Variants in GLDN observed in about 807,000 individuals in gnomAD.
GLDN encodes the protein gliomedin, also known as collomin.
GLDN carries 47 observed loss-of-function variants against 56.5 expected under a neutral mutation model. The observed-to-expected ratio is 0.83, with a 90% CI of 0.66 to 1.06. The LOEUF is 1.06. Ranked by LOEUF, GLDN falls within the 50% of genes least tolerant of loss-of-function variation. GLDN has a pLI of 0.00. For synonymous variants in GLDN, 332 were observed against 278.8 expected, an observed-to-expected ratio of 1.19 and a Z score of -1.90; for missense variants, 782 against 714.3, an observed-to-expected ratio of 1.09 and a Z score of -1.08.
Position 51,404,740 on chromosome 15 carries a change from A to G in GLDN, c.1642A>G (p.Thr548Ala). Residue 548 changes from threonine (T) to alanine (A), a missense_variant, in exon 10 of 10, where the codon ACC becomes GCC. Physicochemically the swap from Thr to Ala is moderately conservative, Grantham distance 58. Coordinates refer to ENST00000335449, the MANE Select transcript of GLDN (RefSeq NM_181789.4). Reference sequence around the variant, plus strand: ...TTATCCTGTGCAGTTTTTGTCAACTACCTTAAATCAGTGATGTGCTGCATT... The same window carrying G: ...TTATCCTGTGCAGTTTTTGTCAACTGCCTTAAATCAGTGATGTGCTGCATT... ...MLYPVQFLST[T>A]LNQ The G allele has an allele frequency of 6.4e-7, 1 of 1,567,800 alleles. No individual in the cohort carries two copies. The highest frequency in any genetic ancestry group is 8.8e-7 in the Non-Finnish European group (1 of 1,139,604).
Position 51,404,890 on chromosome 15 carries a change from C to A in GLDN, c.*136C>A. The A allele has an allele frequency of 1.5e-6, 1 of 651,324 alleles. No individual in the cohort carries two copies. The highest frequency in any genetic ancestry group is 2.7e-6 in the Non-Finnish European group (1 of 365,912). 40.3% of individuals were successfully genotyped at this position (651,324 alleles called of 1,614,324 possible). ...CAAAAGTGTTTATATGGTCAGTGAGCCCCGCTTAGTGAAATAGCAACAGAT... is the reference window on the plus strand; with the variant it reads ...CAAAAGTGTTTATATGGTCAGTGAGACCCGCTTAGTGAAATAGCAACAGAT... On this transcript the variant is annotated 3_prime_UTR_variant, in exon 10 of 10. Coordinates refer to ENST00000335449, the MANE Select transcript of GLDN (RefSeq NM_181789.4).
Position 51,359,789 on chromosome 15 carries a change from A to C in GLDN, c.364-17660A>C, listed in dbSNP as rs1277161575. The stretch of plus-strand genomic sequence containing the variant: ...CAGGAGATCGAGACCATCCTGGCTA[A>C]CATGGTGAAACCCTATCTCTACTAA... On this transcript the variant is annotated intron_variant, in intron 1 of 9. Transcript: ENST00000335449. Among the ~76,000 whole-genome samples, 5 of 152,150 alleles carry C rather than the reference A, an allele frequency of 3.3e-5. No homozygotes were observed. The East Asian group carries it at 9.7e-4, about 29-fold the overall frequency.
chr15:51,389,052 C>T (rs1186590858), intron 4 of GLDN, among the ~76,000 whole-genome samples: 1 of 152,312 alleles, frequency 6.6e-6, no homozygotes, highest in East Asian at 1.9e-4. Context: ...CAGAGGGGAA[C>T]GGTGAAAGGA....
rs75224194 is a variant in GLDN, at chr15:51,361,706, G to A, written c.364-15743G>A. Among the ~76,000 whole-genome samples the A allele has an allele frequency of 2.6e-3, 394 of 152,316 alleles. 1 individual carries two copies. Among genetic ancestry groups the A allele is most frequent in the African/African-American group, 9.0e-3 (373 of 41,574 alleles). On this transcript the variant is annotated intron_variant, in intron 1 of 9. Coordinates refer to ENST00000335449, the MANE Select transcript of GLDN (RefSeq NM_181789.4). ...TTGAGGTTTATGTTCTGGCAGGGAG[G>A]AGACAAAAACCAAAGCAAATAAGTA...
chr15:51,364,241 G>A (rs1458005317), intron 1 of GLDN, among the ~76,000 whole-genome samples: 2 of 152,116 alleles, frequency 1.3e-5, no homozygotes, highest in South Asian at 2.1e-4. Context: ...CATAGCTCAC[G>A]AATACTCTGC....
chr15:51,362,529 G>T (rs1384425165), intron 1 of GLDN, among the ~76,000 whole-genome samples: 1 of 151,066 alleles, frequency 6.6e-6, no homozygotes, highest in African/African-American at 2.4e-5. Flanking sequence ...TCAGAAAGAT[G>T]ATTGGGTTGG....
In GLDN at chr15:51,404,375, A is replaced by G. The variant is rs2038323174; in HGVS notation, c.1277A>G (p.Asn426Ser). ...TTTGCAAATTCCAAAACTTACTTCAATCTAGCTGTAGATGAAAAGGGCCTT... is the reference window on the plus strand; with the variant it reads ...TTTGCAAATTCCAAAACTTACTTCAGTCTAGCTGTAGATGAAAAGGGCCTT... The part of the protein sequence containing the change: ...YLFANSKTYF[N>S]LAVDEKGLWI... The change falls in exon 10 of 10, where the codon AAT (asparagine) becomes AGT (serine). Residue 426 changes from asparagine to serine, a missense_variant. Transcript: ENST00000335449. 4 of 1,614,148 alleles carry G rather than the reference A, an allele frequency of 2.5e-6. No homozygotes were observed. The highest frequency in any genetic ancestry group is 1.7e-4 in the Middle Eastern group (1 of 6,060).
At chr15:51,356,056 G>A (rs1004082549) in intron 1 of GLDN, among the ~76,000 whole-genome samples, 12 of 151,118 alleles carry the variant, frequency 7.9e-5, no homozygotes, top group East Asian at 4.0e-4. Flanking sequence ...AAATACAAAA[G>A]ATTAGCCGGG....
At chr15:51,410,435 T>C (rs1488991068), downstream of GLDN, among the ~76,000 whole-genome samples, 2 of 152,134 alleles carry the variant, frequency 1.3e-5, no homozygotes, top group African/African-American at 4.8e-5. Context: ...TGTGAGAGTG[T>C]AAAGGCCTAG....
At chr15:51,387,535 T>C (rs529398287) in intron 4 of GLDN, among the ~76,000 whole-genome samples, 1 of 152,204 alleles carries the variant, frequency 6.6e-6, no homozygotes, top group Non-Finnish European at 1.5e-5. Context: ...TTTCCAGAGC[T>C]TTTGGATGAG....
At chr15:51,354,931 C>T (rs2141055383) in intron 1 of GLDN, among the ~76,000 whole-genome samples, 1 of 152,242 alleles carries the variant, frequency 6.6e-6, no homozygotes, top group East Asian at 1.9e-4. Flanking sequence ...AGGCAAGAAA[C>T]AATTCACGTA....
chr15:51,370,019 G>T (rs1181152738), intron 1 of GLDN, among the ~76,000 whole-genome samples: 2 of 152,196 alleles, frequency 1.3e-5, no homozygotes, highest in Admixed American at 1.3e-4. Flanking sequence ...GGGAGGCTGA[G>T]GCAGGAGGAT....
rs771556554 is a variant in GLDN, at chr15:51,341,781, G to T, written c.97G>T (p.Gly33Cys). 1 of 1,500,234 alleles carries T rather than the reference G, an allele frequency of 6.7e-7. No homozygotes were observed. The highest frequency in any genetic ancestry group is 1.2e-5 in the South Asian group (1 of 80,100). 92.9% of individuals were successfully genotyped at this position (1,500,234 alleles called of 1,614,324 possible). A position where few individuals can be genotyped will look rare whatever the true frequency, so the allele number is the denominator to read the frequency against. The change falls in exon 1 of 10, where the codon GGC becomes TGC. Residue 33 changes from glycine to cysteine, a missense_variant. Coordinates refer to ENST00000335449, the MANE Select transcript of GLDN (RefSeq NM_181789.4). ...GCTGCTCTCGGCGCTCAACGCTGCG[G>T]GCACGGTGTTCGCGCTGTGCCAGTG... ...VALLSALNAA[G>C]TVFALCQWRG...
At chr15:51,343,356 G>GA (rs11404884) in intron 1 of GLDN, among the ~76,000 whole-genome samples, 44,434 of 151,956 alleles carry the variant, frequency 0.29, 8,187 homozygotes, top group African/African-American at 0.5. Context: ...GCTATAAGAT[G>GA]AAAAAAACCT....
chr15:51,348,860 C>T (rs1171205974), intron 1 of GLDN, among the ~76,000 whole-genome samples: 1 of 152,142 alleles, frequency 6.6e-6, no homozygotes, highest in African/African-American at 2.4e-5. Flanking sequence ...ACCCAAAGGG[C>T]TTTATTTAGC....
At chr15:51,351,552 A>G (rs1719972258) in intron 1 of GLDN, among the ~76,000 whole-genome samples, 1 of 152,158 alleles carries the variant, frequency 6.6e-6, no homozygotes, top group Non-Finnish European at 1.5e-5. Flanking sequence ...GAGTTCCAGA[A>G]TAATTTCTCA....
intron 1 of GLDN, among the ~76,000 whole-genome samples, chr15:51,362,180 A>G (rs2037312732): frequency 6.6e-6 from 1 of 152,186 alleles, no homozygotes; most frequent in Non-Finnish European, 1.5e-5. Flanking sequence ...AGTGGGAAGA[A>G]GAGTAATAAC....
chr15:51,383,272 A>G (rs536526113), intron 2 of GLDN, among the ~76,000 whole-genome samples, 164 bp from the exon 3 acceptor site: 18 of 152,364 alleles, frequency 1.2e-4, no homozygotes, highest in African/African-American at 4.3e-4. Context: ...TCTTTGTTGA[A>G]TTGCTTTAAA....
chr15:51,371,732 G>C (rs1024948755), intron 1 of GLDN, among the ~76,000 whole-genome samples: 2 of 152,156 alleles, frequency 1.3e-5, no homozygotes, highest in African/African-American at 4.8e-5. Flanking sequence ...ACCCAGGCTG[G>C]AGTGCAGTGG....
Sources: gnomAD v4.1 joint callset for allele counts (sites outside exome capture counted in the v4.1 genomes callset) on GRCh38, gnomAD v4.1.1 for gene constraint, MANE v1.5 for transcripts, NCBI Gene and HGNC (gene_info 2026-07-23, HGNC 2026-07-21) for gene names.